The following DSP variants were observed in gnomAD, a reference collection of about 807,000 sequenced individuals.
DSP encodes desmoplakin, also known as 250/210 kDa paraneoplastic pemphigus antigen.
Under a neutral mutation model 290.6 loss-of-function variants are expected in DSP, and 114 were observed. The ratio of observed to expected loss-of-function variants is 0.39; its 90% CI spans 0.34 to 0.46. DSP has a LOEUF of 0.46. Among genes scored for constraint, DSP ranks in the 20% least tolerant of loss-of-function variants. DSP has a pLI of 0.99. For missense variants in DSP, 3,230 were observed against 3,495.8 expected (o/e 0.92, Z 1.92); for synonymous variants, 1,311 against 1,316.4 (o/e 1.00, Z 0.09).
intron 14 of DSP, 25 bp from the exon 15 acceptor site, chr6:7,571,817 T>C: frequency 1.2e-6 from 2 of 1,608,290 alleles, no homozygotes; most frequent in South Asian, 2.2e-5. Flanking sequence ...TCTCTGATTT[T>C]TGTGGCCCTA....
At chr6:7,557,720 A>G (rs1027989305) in intron 2 of DSP, among the ~76,000 whole-genome samples, 1 of 151,728 alleles carries the variant, frequency 6.6e-6, no homozygotes, top group Admixed American at 6.6e-5. Flanking sequence ...CTAAAACATT[A>G]TGTTCTCATA....
In DSP at chr6:7,584,385, G is replaced by C. The variant is rs376923069; in HGVS notation, c.7123G>C (p.Gly2375Arg). The change falls in exon 24 of 24, where the codon GGG becomes CGG. Residue 2375 changes from glycine to arginine, a missense_variant. Coordinates refer to ENST00000379802, the MANE Select transcript of DSP (RefSeq NM_004415.4). This position sits in a 1 kb window ranked among gnomAD's most constrained non-coding sequence, Gnocchi z 6.4. Reference protein sequence around the residue: ...IRLLEAQIATGGIIDPKESHR... With the variant: ...IRLLEAQIATRGIIDPKESHR... ...CTTATTAGAAGCACAGATCGCAACC[G>C]GGGGGATCATTGACCCAAAGGAGAG... 1 of 1,610,836 alleles carries C rather than the reference G, an allele frequency of 6.2e-7. No homozygotes were observed. The highest frequency in any genetic ancestry group is 8.5e-7 in the Non-Finnish European group (1 of 1,177,046).
chr6:7,574,451 A>G (rs995298811), intron 16 of DSP, among the ~76,000 whole-genome samples, 199 bp downstream of exon 16: 2 of 152,210 alleles, frequency 1.3e-5, no homozygotes, highest in Admixed American at 1.3e-4. Flanking sequence ...GTTATCTTAG[A>G]ACTAAGTTAT....
Position 7,571,513 on chromosome 6 carries a change from A to T in DSP, c.1832A>T (p.Gln611Leu). 6.2e-7 allele frequency: 1 copy of T among 1,614,236 alleles called. No individual in the cohort carries two copies. The highest frequency in any genetic ancestry group is 1.3e-5 in the African/African-American group (1 of 75,062). ...GATGACAAGCGGAAAATACAGTCTC[A>T]GTTCACCGATGCCCAGAAGCATTAC... is the stretch of plus-strand genomic sequence containing the variant. ...GDDDKRKIQSQFTDAQKHYQT... is the reference protein window; with the variant it reads ...GDDDKRKIQSLFTDAQKHYQT... Residue 611 changes from glutamine to leucine, a missense_variant, in exon 14 of 24, where the codon CAG (glutamine) becomes CTG (leucine). Coordinates refer to ENST00000379802, the MANE Select transcript of DSP (RefSeq NM_004415.4).
chr6:7,567,449 G>A lies in DSP; in HGVS notation c.1140G>A (p.Gln380=). 1 of 1,612,870 alleles carries A rather than the reference G, an allele frequency of 6.2e-7. No individual in the cohort carries two copies. Among genetic ancestry groups the A allele is most frequent in the Non-Finnish European group, 8.5e-7 (1 of 1,179,290 alleles). The change falls in exon 9 of 24, where the codon CAG becomes CAA. Residue 380 remains glutamine, a splice_region_variant and synonymous_variant. Coordinates refer to ENST00000379802, the MANE Select transcript of DSP (RefSeq NM_004415.4). ...TGAAAGAAAATGCTGCCTACTTTCA[G>A]GTTTTTATATTTAGTGATAATTTTG... ...VHLKENAAYF[Q]FFEEAQSTEA...
intron 5 of DSP, 105 bp from the exon 6 acceptor site, chr6:7,563,631 G>C (rs184472274): frequency 1.1e-6 from 1 of 911,202 alleles, no homozygotes; most frequent in Non-Finnish European, 1.8e-6. Flanking sequence ...TTTCTATGGA[G>C]GGATCTGAGG....
chr6:7,557,514 T>C lies in DSP; in HGVS notation c.274-602T>C, dbSNP rs948722472. ...GGCCAATGTGGTGAAACCCTGTCTC[T>C]ATTAAAAATACAAAAATTAGCCTGG... On this transcript the variant is annotated intron_variant, in intron 2 of 23. Transcript: ENST00000379802. 7.9e-5 allele frequency among the ~76,000 whole-genome samples: 12 copies of C among 152,224 alleles called. No individual in the cohort carries two copies. The East Asian group carries it at 2.3e-3, about 29-fold the overall frequency.
At chr6:7,568,305 T>TG in intron 10 of DSP, 132 bp from the exon 11 acceptor site, 1 of 1,031,778 alleles carries the variant, frequency 9.7e-7, no homozygotes. Flanking sequence ...CCGACGAATT[T>TG]GTGATTTTTT....
At position 7,581,514 on chromosome 6, in the gene DSP, G is replaced by T. The variant is rs34738426; in HGVS notation, c.5324G>T (p.Arg1775Ile). Reference protein sequence around the residue: ...ELQGLINDLQRERENLRQEIE... With the variant: ...ELQGLINDLQIERENLRQEIE... Reference sequence around the variant, plus strand: ...CAGGGGCTGATTAATGATTTACAGAGAGAGAGGGAAAATTTGAGACAGGAA... The same window carrying T: ...CAGGGGCTGATTAATGATTTACAGATAGAGAGGGAAAATTTGAGACAGGAA... The change falls in exon 23 of 24, where the codon AGA becomes ATA. Residue 1775 changes from arginine (R) to isoleucine (I), a missense_variant. Physicochemically the swap from Arg to Ile is moderately conservative, Grantham distance 97. This residue lies in a region of DSP where 1,714 missense variants were observed against 1,844.5 expected (regional missense o/e 0.93). Coordinates refer to ENST00000379802, the MANE Select transcript of DSP (RefSeq NM_004415.4). 91 of 1,614,008 alleles carry T rather than the reference G, an allele frequency of 5.6e-5. No individual in the cohort carries two copies. The Middle Eastern group carries it at 2.8e-3, about 50-fold the overall frequency.
rs770054096 is a variant in DSP, at chr6:7,579,242, T to C, written c.3085-33T>C. ...TCTTTCTTGGAATGTGAGGTGTTTT[T>C]CTTTTGACATAATCTCTGATTTCAT... is the stretch of plus-strand genomic sequence containing the variant. On this transcript the variant is annotated intron_variant, in intron 22 of 23. Transcript: ENST00000379802. This position sits in a 1 kb window ranked among gnomAD's most constrained non-coding sequence, Gnocchi z 4.1. 5.6e-6 allele frequency: 9 copies of C among 1,612,478 alleles called. No homozygotes were observed. Among genetic ancestry groups the C allele is most frequent in the Non-Finnish European group, 3.4e-6 (4 of 1,179,286 alleles).
At position 7,580,510 on chromosome 6, in the gene DSP, G is replaced by T; in HGVS notation, c.4320G>T (p.Val1440=). The change falls in exon 23 of 24, where the codon GTG becomes GTT. Residue 1440 remains valine (V), a synonymous_variant. Coordinates refer to ENST00000379802, the MANE Select transcript of DSP (RefSeq NM_004415.4). The surrounding 1 kb of genome is among the most constrained non-coding windows in gnomAD (Gnocchi z 4.2). ...AGCAAAAGGCCACTGGCTCTGAGGT[G>T]TCTCAGAGGAAACAGCAGCTGGAGG... is the stretch of plus-strand genomic sequence containing the variant. ...IQQQKATGSE[V]SQRKQQLEVE... is the part of the protein sequence containing the mutation. 1 of 1,614,158 alleles carries T rather than the reference G, an allele frequency of 6.2e-7. No homozygotes were observed. Among genetic ancestry groups the T allele is most frequent in the Non-Finnish European group, 8.5e-7 (1 of 1,180,030 alleles).
At position 7,576,284 on chromosome 6, in the gene DSP, T is replaced by C. The variant is rs369840498; in HGVS notation, c.2631-10T>C. The stretch of plus-strand genomic sequence containing the variant: ...AAGATAATGATTTTATTGTATCTAT[T>C]TCCCCCCAGGTTATGGGACCTGGAG... On this transcript the variant is annotated splice_polypyrimidine_tract_variant and intron_variant, in intron 18 of 23. Coordinates refer to ENST00000379802, the MANE Select transcript of DSP (RefSeq NM_004415.4). 6.2e-7 allele frequency: 1 copy of C among 1,613,126 alleles called. No homozygotes were observed. Among genetic ancestry groups the C allele is most frequent in the Non-Finnish European group, 8.5e-7 (1 of 1,179,130 alleles).
In DSP at chr6:7,568,494, T is replaced by C. The variant is rs755492444; in HGVS notation, c.1324T>C (p.Ser442Pro). 1 of 1,613,944 alleles carries C rather than the reference T, an allele frequency of 6.2e-7. No homozygotes were observed. The highest frequency in any genetic ancestry group is 8.5e-7 in the Non-Finnish European group (1 of 1,180,012). Residue 442 changes from serine to proline, a missense_variant, in exon 11 of 24, where the codon TCT becomes CCT. Physicochemically the swap from Ser to Pro is moderately conservative, Grantham distance 74. Transcript: ENST00000379802. ...KRQVQNLVNK[S>P]KKIVQLKPRN... ...TCAGGTGCAGAACTTGGTAAACAAG[T>C]CTAAGAAGATTGTACAGCTGAAGCC...
chr6:7,555,642 C>G (rs2113653614), intron 1 of DSP, 76 bp from the exon 2 acceptor site: 1 of 1,437,778 alleles, frequency 7.0e-7, no homozygotes, highest in East Asian at 2.4e-5. Context: ...GTTTTTGCAA[C>G]TTTTGCAAGT....
Position 7,583,847 on chromosome 6 carries a change from T to C in DSP, c.6585T>C (p.His2195=), listed in dbSNP as rs1759541694. ...QLKERCRIEP[H]TGLLLLSVQK... ...AGGAACGGTGCAGAATCGAACCACA[T>C]ACTGGTCTGCTCTTGCTTTCAGTAC... The change falls in exon 24 of 24, where the codon CAT becomes CAC. Residue 2195 remains histidine, a synonymous_variant. Transcript: ENST00000379802. This position sits in a 1 kb window ranked among gnomAD's most constrained non-coding sequence, Gnocchi z 4.0. 3.7e-6 allele frequency: 6 copies of C among 1,613,990 alleles called. No homozygotes were observed. The highest frequency in any genetic ancestry group is 1.3e-5 in the African/African-American group (1 of 74,892).
At chr6:7,561,366 C>T (rs552079326) in intron 4 of DSP, among the ~76,000 whole-genome samples, 9 of 152,260 alleles carry the variant, frequency 5.9e-5, no homozygotes, top group East Asian at 1.9e-4. Flanking sequence ...ACTGCAGGTT[C>T]GCTCTGGGAT....
chr6:7,542,084 T>C lies in DSP; in HGVS notation c.169T>C (p.Cys57Arg). ...CACCGACCAGAACTCGGACGGCTAC[T>C]GGTGGGTACCTGCCCGGAGAGCGCG... ...VITDQNSDGY[C>R]QTGTMSRHQN... Residue 57 changes from cysteine to arginine, a missense_variant and splice_region_variant, in exon 1 of 24, where the codon TGT becomes CGT. Physicochemically the swap from Cys to Arg is radical, Grantham distance 180 (BLOSUM62 -3). Transcript: ENST00000379802. 2.6e-6 allele frequency: 4 copies of C among 1,559,456 alleles called. No individual in the cohort carries two copies. The highest frequency in any genetic ancestry group is 2.6e-6 in the Non-Finnish European group (3 of 1,151,936).
At position 7,586,105 on chromosome 6, in the gene DSP, G is replaced by T; in HGVS notation, c.*227G>T. ...CACTTGGATGCAGTGCGTCTGAAGT[G>T]CTAATCAGTTGTAACAATAGCACAA... is the stretch of plus-strand genomic sequence containing the variant. On this transcript the variant is annotated 3_prime_UTR_variant, in exon 24 of 24. Transcript: ENST00000379802. 1.9e-6 allele frequency: 1 copy of T among 536,904 alleles called. No individual in the cohort carries two copies. 33.3% of individuals were successfully genotyped at this position (536,904 alleles called of 1,614,324 possible).
rs35200676 is a variant in DSP at position 7,567,422 on chromosome 6, T to C, written c.1113T>C (p.His371=). 6.2e-7 allele frequency: 1 copy of C among 1,614,098 alleles called. No homozygotes were observed. Among genetic ancestry groups the C allele is most frequent in the African/African-American group, 1.3e-5 (1 of 75,042 alleles). The change falls in exon 9 of 24, where the codon CAT becomes CAC. Residue 371 remains histidine, a synonymous_variant. Transcript: ENST00000379802. The part of the protein sequence containing the change: ...ILQITKCIDV[H]LKENAAYFQF... The stretch of plus-strand genomic sequence containing the variant: ...AGATCACCAAGTGCATTGATGTTCA[T>C]CTGAAAGAAAATGCTGCCTACTTTC...
Sources: gnomAD v4.1 joint callset for allele counts (sites outside exome capture counted in the v4.1 genomes callset) on GRCh38, gnomAD v4.1.1 for gene constraint, gnomAD v4.1.1 regional missense constraint, Gnocchi (gnomAD v3.1) non-coding constraint, MANE v1.5 for transcripts, NCBI Gene and HGNC (gene_info 2026-07-23, HGNC 2026-07-21) for gene names.